KSR2: variants seen among roughly 807,000 people sequenced by gnomAD.
KSR2 encodes the protein kinase suppressor of ras 2.
In KSR2, 25 loss-of-function variants were observed where a neutral mutation model predicts 107.8. The ratio of observed to expected loss-of-function variants is 0.23; its 90% CI spans 0.17 to 0.32. The LOEUF is 0.32. Among genes scored for constraint, KSR2 ranks in the 10% least tolerant of loss-of-function variants. The pLI is 1.00. For missense variants in KSR2, 887 were observed against 1,268.9 expected (o/e 0.70, Z 4.57); for synonymous variants, 480 against 507.0 (o/e 0.95, Z 0.71).
intron 1 of KSR2, among the ~76,000 whole-genome samples, chr12:117,952,984 C>CAAAAAAA (rs33941668): frequency 9.9e-6 from 1 of 100,810 alleles, no homozygotes; most frequent in Admixed American, 1.2e-4. Flanking sequence ...GACTCCATCT[C>CAAAAAAA]AAAAAAAAAA....
chr12:117,670,220 G>T (rs562703698), intron 4 of KSR2, among the ~76,000 whole-genome samples: 1 of 152,244 alleles, frequency 6.6e-6, no homozygotes, highest in African/African-American at 2.4e-5. Context: ...TCAAACAGGA[G>T]GCTTCATCAT....
chr12:117,871,490 A>C (rs146449631), intron 1 of KSR2, among the ~76,000 whole-genome samples: 312 of 152,170 alleles, frequency 2.1e-3, no homozygotes, highest in Middle Eastern at 3.4e-3. Context: ...CAGGAGGCTG[A>C]GGCACGAGAA....
chr12:117,482,407 T>C (rs1192099179), intron 16 of KSR2, among the ~76,000 whole-genome samples: 1 of 152,054 alleles, frequency 6.6e-6, no homozygotes, highest in East Asian at 1.9e-4. Context: ...GCCACTAAGT[T>C]TTGAGATGGT....
chr12:117,479,490 T>C (rs1266726767), intron 16 of KSR2, among the ~76,000 whole-genome samples: 1 of 152,188 alleles, frequency 6.6e-6, no homozygotes, highest in East Asian at 1.9e-4. Context: ...GTCCTGGGCA[T>C]TGCAGGATGG....
intron 4 of KSR2, among the ~76,000 whole-genome samples, chr12:117,718,522 G>A (rs7134950): frequency 0.049 from 7,389 of 152,266 alleles, 632 homozygotes; most frequent in African/African-American, 0.17. Flanking sequence ...GTACCCTGAG[G>A]TCCTGGTCCT....
intron 4 of KSR2, among the ~76,000 whole-genome samples, chr12:117,740,831 G>C (rs1888193678): frequency 6.6e-6 from 1 of 152,004 alleles, no homozygotes. Flanking sequence ...CACTCTGCCA[G>C]GTGATGATAA....
chr12:117,523,685 T>C lies in KSR2; in HGVS notation c.2219+1167A>G, dbSNP rs574392456. ...TCTGCAACTTTCATGAAAACCAGAG[T>C]AACACTTATCAGAATCTTGGCTCAT... On this transcript the variant is annotated intron_variant, in intron 14 of 19. Transcript: ENST00000339824. 4.6e-5 allele frequency among the ~76,000 whole-genome samples: 7 copies of C among 151,968 alleles called. 1 individual carries two copies. Among genetic ancestry groups the C allele is most frequent in the African/African-American group, 1.7e-4 (7 of 41,452 alleles).
intron 5 of KSR2, among the ~76,000 whole-genome samples, chr12:117,599,862 T>A (rs1461675380): frequency 6.6e-6 from 1 of 152,038 alleles, no homozygotes; most frequent in Non-Finnish European, 1.5e-5. Context: ...GTGACCATGG[T>A]GGGGGAGACA....
At chr12:117,841,981 A>G (rs1892501971) in intron 3 of KSR2, among the ~76,000 whole-genome samples, 1 of 152,248 alleles carries the variant, frequency 6.6e-6, no homozygotes, top group Non-Finnish European at 1.5e-5. Flanking sequence ...CTCCGTGACT[A>G]CTTCTTGCAT....
At chr12:117,687,854 C>G (rs578064917) in intron 4 of KSR2, among the ~76,000 whole-genome samples, 2 of 152,192 alleles carry the variant, frequency 1.3e-5, no homozygotes, top group East Asian at 3.9e-4. Context: ...GTGGTCCCTC[C>G]CAAAATCAGC....
At chr12:117,532,600 T>C (rs2137260671) in intron 10 of KSR2, among the ~76,000 whole-genome samples, 1 of 152,348 alleles carries the variant, frequency 6.6e-6, no homozygotes, top group South Asian at 2.1e-4. Flanking sequence ...CAAGCATGAA[T>C]TAACCTCTGT....
At chr12:117,662,491 G>A (rs556894403) in intron 5 of KSR2, among the ~76,000 whole-genome samples, 37 of 152,258 alleles carry the variant, frequency 2.4e-4, no homozygotes, top group African/African-American at 8.7e-4. Flanking sequence ...CAAGGTACAC[G>A]CAAGGCCAGG....
rs182403104 is a variant in KSR2, at chr12:117,567,628, G to A, written c.1326-9055C>T. ...CTCTGTACCTGCTTTCCTTTTCCAG[G>A]TCACTGCATTAAGTGTTCCTGAAGG... On this transcript the variant is annotated intron_variant, in intron 7 of 19. Transcript: ENST00000339824. Among the ~76,000 whole-genome samples the A allele has an allele frequency of 1.5e-3, 228 of 148,272 alleles. 1 individual carries two copies. Among genetic ancestry groups the A allele is most frequent in the African/African-American group, 5.2e-3 (208 of 39,662 alleles).
chr12:117,622,267 G>C (rs1054809752), intron 5 of KSR2, among the ~76,000 whole-genome samples: 4 of 151,912 alleles, frequency 2.6e-5, no homozygotes, highest in Non-Finnish European at 5.9e-5. Flanking sequence ...GATTCACTCA[G>C]GATTAAATCA....
At chr12:117,566,000 G>A (rs184493005) in intron 7 of KSR2, among the ~76,000 whole-genome samples, 2 of 152,244 alleles carry the variant, frequency 1.3e-5, no homozygotes, top group East Asian at 3.9e-4. Context: ...GACACGTACA[G>A]GTTTGTTACA....
chr12:117,539,427 C>T (rs1876300804), intron 10 of KSR2: 1 of 362,882 alleles, frequency 2.8e-6, no homozygotes, highest in Non-Finnish European at 4.9e-6. Flanking sequence ...CGCCAAAAGA[C>T]AGAGTCTCTA....
chr12:117,709,843 G>C (rs1295852347), intron 4 of KSR2, among the ~76,000 whole-genome samples: 1 of 152,208 alleles, frequency 6.6e-6, no homozygotes, highest in African/African-American at 2.4e-5. Context: ...CCCACCCCAA[G>C]TGACAACCAA....
intron 1 of KSR2, among the ~76,000 whole-genome samples, chr12:117,918,429 A>G (rs1895245901): frequency 6.6e-6 from 1 of 151,982 alleles, no homozygotes; most frequent in African/African-American, 2.4e-5. Context: ...TGCCCCTATC[A>G]CCTGCTTGCC....
rs550282256 is a variant in KSR2 at position 117,548,886 on chromosome 12, A to G, written c.1518+6283T>C. Among the ~76,000 whole-genome samples, 4 of 152,364 alleles carry G rather than the reference A, an allele frequency of 2.6e-5. No individual in the cohort carries two copies. In the South Asian group the frequency reaches 8.3e-4, roughly 32 times the overall value. On this transcript the variant is annotated intron_variant, in intron 9 of 19. Transcript: ENST00000339824. The stretch of plus-strand genomic sequence containing the variant: ...CAAATGGATACTGGCCCCATGGACA[A>G]TTAACATTCCCAAGCTATAGAATTT...
Sources: allele counts gnomAD v4.1 joint callset (sites outside exome capture counted in the v4.1 genomes callset), GRCh38; gene constraint gnomAD v4.1.1; transcripts MANE v1.5; gene names NCBI Gene and HGNC (gene_info 2026-07-23, HGNC 2026-07-21).